Variants in CUL4A observed in about 807,000 individuals in gnomAD.
CUL4A encodes the protein cullin 4A.
A neutral mutation model predicts 95.5 loss-of-function variants in CUL4A; 16 were observed. The ratio of observed to expected loss-of-function variants is 0.17; its 90% confidence interval spans 0.11 to 0.25. CUL4A has a LOEUF of 0.25. Among genes scored for constraint, CUL4A ranks in the 10% least tolerant of loss-of-function variants. The pLI, the probability that CUL4A is intolerant of heterozygous loss-of-function variation, is 1.00. For missense variants in CUL4A, 610 were observed against 937.0 expected (o/e 0.65, Z 4.56); for synonymous variants, 380 against 353.1 (o/e 1.08, Z -0.85).
chr13:113,222,776 T>A (rs2040947612), intron 3 of CUL4A, among the ~76,000 whole-genome samples: 1 of 152,152 alleles, frequency 6.6e-6, no homozygotes, highest in Non-Finnish European at 1.5e-5. Context: ...GGTTCACACC[T>A]GTGGTCCCAG....
rs376799104 is a variant in CUL4A, at chr13:113,220,363, A to G, written c.368+1315A>G. ...GTGTTTTCCAGCAAAGCCCTTTCCT[A>G]AAGATCATGAGGTCGTTCAAGAGAT... On this transcript the variant is annotated intron_variant, in intron 3 of 19. Coordinates refer to ENST00000375440, the MANE Select transcript of CUL4A (RefSeq NM_001008895.4). Among the ~76,000 whole-genome samples the G allele has an allele frequency of 3.3e-5, 5 of 152,182 alleles. No homozygotes were observed. In the South Asian group the frequency reaches 1.0e-3, roughly 31 times the overall value.
chr13:113,230,928 A>T (rs923008738), intron 5 of CUL4A, among the ~76,000 whole-genome samples: 4 of 151,940 alleles, frequency 2.6e-5, no homozygotes, highest in African/African-American at 9.7e-5. Flanking sequence ...GCACCACCAC[A>T]TTCGACTAAC....
rs978388584 is a variant in CUL4A at position 113,236,960 on chromosome 13, G to A, written c.916+70G>A. The A allele has an allele frequency of 2.8e-6, 3 of 1,067,470 alleles. No individual in the cohort carries two copies. The East Asian group carries it at 7.3e-5, about 26-fold the overall frequency. The allele number at this position is 1,067,470 out of a possible 1,614,324, so 66.1% of individuals were successfully genotyped here. A position where few individuals can be genotyped will look rare whatever the true frequency, so the allele number is the denominator to read the frequency against. On this transcript the variant is annotated intron_variant, in intron 9 of 19. Coordinates refer to ENST00000375440, the MANE Select transcript of CUL4A (RefSeq NM_001008895.4). Reference sequence around the variant, plus strand: ...TTAGTTCATTAGGAAAGTAAAGGGGGCATTACAAATAGCAGTGTTAGGACG... The same window carrying A: ...TTAGTTCATTAGGAAAGTAAAGGGGACATTACAAATAGCAGTGTTAGGACG...
rs1255118826 is a variant in CUL4A at position 113,233,195 on chromosome 13, G to C, written c.531G>C (p.Leu177=). 2 of 1,613,982 alleles carry C rather than the reference G, an allele frequency of 1.2e-6. No individual in the cohort carries two copies. Among genetic ancestry groups the C allele is most frequent in the Non-Finnish European group, 1.7e-6 (2 of 1,179,990 alleles). Residue 177 remains leucine (L), a synonymous_variant, in exon 6 of 20, where the codon CTG becomes CTC. Coordinates refer to ENST00000375440, the MANE Select transcript of CUL4A (RefSeq NM_001008895.4). ...TATACAGGGATATGGGATTAGAACT[G>C]TTTAGAACCCATATTATTAGTGATA... The part of the protein sequence containing the change: ...LPSIWDMGLE[L]FRTHIISDKM...
intron 18 of CUL4A, among the ~76,000 whole-genome samples, chr13:113,257,011 G>A (rs146630678): frequency 5.1e-4 from 62 of 121,394 alleles, no homozygotes; most frequent in Admixed American, 1.1e-3. Context: ...TGCAACCTCC[G>A]TCCTCCGGGT....
At position 113,234,105 on chromosome 13, in the gene CUL4A, G is replaced by A; in HGVS notation, c.765+119G>A. On this transcript the variant is annotated intron_variant, in intron 7 of 19. Transcript: ENST00000375440. ...GCAAATGTTTCATTGAAAATCTTCT[G>A]AAAGCTGCAATCTTGCCAGAATCCC... 5 of 611,334 alleles carry A rather than the reference G, an allele frequency of 8.2e-6. No individual in the cohort carries two copies. The South Asian group carries it at 9.2e-5, about 11-fold the overall frequency. 37.9% of individuals were successfully genotyped at this position (611,334 alleles called of 1,614,324 possible).
chr13:113,238,785 G>A (rs1595395201), intron 9 of CUL4A, among the ~76,000 whole-genome samples: 1 of 152,172 alleles, frequency 6.6e-6, no homozygotes, highest in East Asian at 1.9e-4. Context: ...AGTGTAGGCA[G>A]AATCTGAGAC....
At chr13:113,210,487 G>A (rs576783329) in intron 2 of CUL4A, among the ~76,000 whole-genome samples, 4 of 152,308 alleles carry the variant, frequency 2.6e-5, no homozygotes, top group Admixed American at 1.3e-4. Flanking sequence ...TTGCCTTTAA[G>A]ATATTCAAAC....
intron 18 of CUL4A, among the ~76,000 whole-genome samples, chr13:113,256,064 G>A (rs1595429346): frequency 3.3e-5 from 5 of 152,232 alleles, no homozygotes; most frequent in African/African-American, 7.2e-5. Flanking sequence ...GCCAGGCACA[G>A]TGACATGCAC....
chr13:113,250,603 C>T (rs776827061), intron 15 of CUL4A, among the ~76,000 whole-genome samples: 2 of 152,042 alleles, frequency 1.3e-5, no homozygotes, highest in Non-Finnish European at 2.9e-5. Context: ...GATAATTATC[C>T]TCATTAATAC....
chr13:113,210,514 C>A (rs1438040623), intron 2 of CUL4A, among the ~76,000 whole-genome samples: 2 of 152,070 alleles, frequency 1.3e-5, no homozygotes, highest in Non-Finnish European at 2.9e-5. Flanking sequence ...TGAAAAAATT[C>A]AAAATTCAGA....
intron 11 of CUL4A, 147 bp from the exon 12 acceptor site, chr13:113,244,263 C>T (rs1451564567): frequency 6.3e-6 from 4 of 629,960 alleles, no homozygotes; most frequent in African/African-American, 1.8e-5. Context: ...TTGAGAAGTA[C>T]TTACCTTAGA....
intron 3 of CUL4A, among the ~76,000 whole-genome samples, chr13:113,222,667 G>A (rs936573813): frequency 1.1e-4 from 16 of 152,184 alleles, no homozygotes; most frequent in Admixed American, 2.0e-4. Context: ...AGTGGCTCAC[G>A]CCTCTAACCT....
At chr13:113,233,492 C>T (rs2139190579) in intron 6 of CUL4A, among the ~76,000 whole-genome samples, 153 bp downstream of exon 6, 1 of 152,312 alleles carries the variant, frequency 6.6e-6, no homozygotes, top group Non-Finnish European at 1.5e-5. Flanking sequence ...GAATAGCGCT[C>T]AAGCTAACAC....
intron 18 of CUL4A, among the ~76,000 whole-genome samples, chr13:113,258,564 A>C (rs2042191960): frequency 6.6e-6 from 1 of 152,188 alleles, no homozygotes; most frequent in Non-Finnish European, 1.5e-5. Context: ...ATTTTCATTC[A>C]TTCAACAAAT....
intron 10 of CUL4A, among the ~76,000 whole-genome samples, chr13:113,242,410 C>T (rs182774296): frequency 6.6e-6 from 1 of 152,174 alleles, no homozygotes; most frequent in African/African-American, 2.4e-5. Context: ...CATAAACATT[C>T]TTTAAAAAGC....
intron 5 of CUL4A, among the ~76,000 whole-genome samples, chr13:113,232,577 T>C (rs2041393749): frequency 6.6e-6 from 1 of 151,834 alleles, no homozygotes; most frequent in African/African-American, 2.4e-5. Context: ...ACAAGATGGG[T>C]TTTGTGGACA....
At chr13:113,221,806 G>A (rs1007215851) in intron 3 of CUL4A, among the ~76,000 whole-genome samples, 19 of 152,192 alleles carry the variant, frequency 1.2e-4, no homozygotes, top group African/African-American at 4.6e-4. Context: ...TCGAACTCCT[G>A]ACCTCGTGAT....
chr13:113,215,895 G>GC (rs2040665120), intron 2 of CUL4A, among the ~76,000 whole-genome samples: 1 of 145,408 alleles, frequency 6.9e-6, no homozygotes, highest in African/African-American at 2.6e-5. Flanking sequence ...TCGCGTGTGT[G>GC]ACTATGGAGG....
Sources: gnomAD v4.1 joint callset for allele counts (sites outside exome capture counted in the v4.1 genomes callset) on GRCh38, gnomAD v4.1.1 for gene constraint, MANE v1.5 for transcripts, NCBI Gene and HGNC (gene_info 2026-07-23, HGNC 2026-07-21) for gene names.